Variants in CDC37L1 observed in about 807,000 individuals in gnomAD.
The protein encoded by CDC37L1 is cell division cycle 37 like 1, HSP90 cochaperone.
Under a neutral mutation model 45.9 loss-of-function variants are expected in CDC37L1, and 32 were observed. The observed-to-expected ratio is 0.70, with a 90% CI of 0.53 to 0.94. The LOEUF (loss-of-function observed/expected upper bound fraction) is 0.94. Among genes scored for constraint, CDC37L1 ranks in the 40% least tolerant of loss-of-function variants. The pLI is 0.00. For synonymous variants in CDC37L1, 150 were observed against 133.0 expected (o/e 1.13, Z -0.88); for missense variants, 434 against 405.7 (o/e 1.07, Z -0.60).
intron 6 of CDC37L1, among the ~76,000 whole-genome samples, chr9:4,702,580 G>T (rs1215083246): frequency 6.6e-6 from 1 of 152,092 alleles, no homozygotes; most frequent in African/African-American, 2.4e-5. Flanking sequence ...TCAGTGGTTT[G>T]ATCAAGATAA....
intron 3 of CDC37L1, among the ~76,000 whole-genome samples, chr9:4,694,842 C>T (rs1480113079): frequency 6.6e-6 from 1 of 152,064 alleles, no homozygotes; most frequent in Non-Finnish European, 1.5e-5. Flanking sequence ...TGTACTCCAG[C>T]CTGGGCAACA....
intron 1 of CDC37L1, among the ~76,000 whole-genome samples, chr9:4,683,907 C>G (rs1050226627): frequency 6.6e-6 from 1 of 152,200 alleles, no homozygotes; most frequent in African/African-American, 2.4e-5. Flanking sequence ...CAGTACTTTA[C>G]ATGTAGTAAT....
At chr9:4,680,545 C>G (rs1841181651) in intron 1 of CDC37L1, among the ~76,000 whole-genome samples, 2 of 152,168 alleles carry the variant, frequency 1.3e-5, no homozygotes, top group African/African-American at 2.4e-5. Context: ...TCAGACTTCT[C>G]TTAGGTTCCT....
intron 6 of CDC37L1, chr9:4,703,252 A>T: frequency 1.7e-6 from 1 of 582,822 alleles, no homozygotes; most frequent in Non-Finnish European, 2.6e-6. Flanking sequence ...TCTCACTGTA[A>T]TTTCACCATT....
At chr9:4,705,581 A>G (rs1172677697) in intron 6 of CDC37L1, among the ~76,000 whole-genome samples, 1 of 152,138 alleles carries the variant, frequency 6.6e-6, no homozygotes, top group Non-Finnish European at 1.5e-5. Flanking sequence ...TTTACCCAGT[A>G]AATTTTTTCT....
intron 6 of CDC37L1, among the ~76,000 whole-genome samples, chr9:4,704,025 T>C (rs1468039069): frequency 6.6e-6 from 1 of 152,138 alleles, no homozygotes; most frequent in Non-Finnish European, 1.5e-5. Context: ...TTGCTACATG[T>C]GCGGAAAGGA....
chr9:4,679,813 G>A lies in CDC37L1; in HGVS notation c.46G>A (p.Ala16Thr), dbSNP rs1412238163. ...PPPGPWSLPR[A>T]EGEAEEESDF... The stretch of plus-strand genomic sequence containing the variant: ...TCCGGGACCCTGGAGCCTCCCTCGG[G>A]CCGAGGGTGAGGCTGAGGAAGAGAG... The change falls in exon 1 of 7, where the codon GCC becomes ACC. Residue 16 changes from alanine (A) to threonine (T), a missense_variant. Physicochemically the swap from Ala to Thr is moderately conservative, Grantham distance 58. Transcript: ENST00000381854. 1.9e-6 allele frequency: 3 copies of A among 1,613,600 alleles called. No individual in the cohort carries two copies. Among genetic ancestry groups the A allele is most frequent in the East Asian group, 4.5e-5 (2 of 44,884 alleles).
At chr9:4,700,519 T>C (rs771783053) in intron 5 of CDC37L1, among the ~76,000 whole-genome samples, 12 of 152,224 alleles carry the variant, frequency 7.9e-5, no homozygotes, top group Non-Finnish European at 1.8e-4. Context: ...CATTAATGGA[T>C]GTGTTTAAAC....
At chr9:4,681,588 A>T (rs919290647) in intron 1 of CDC37L1, among the ~76,000 whole-genome samples, 7 of 151,760 alleles carry the variant, frequency 4.6e-5, no homozygotes, top group African/African-American at 1.7e-4. Flanking sequence ...GTGAGCCGAG[A>T]TCACACCATT....
At chr9:4,697,648 A>G (rs1353395065) in intron 4 of CDC37L1, 109 bp from the exon 5 acceptor site, 1 of 603,834 alleles carries the variant, frequency 1.7e-6, no homozygotes, top group Admixed American at 3.1e-5. Flanking sequence ...TTTGACTTAT[A>G]ACTTAAGAGA....
At position 4,682,952 on chromosome 9, in the gene CDC37L1, A is replaced by T. The variant is rs911844261; in HGVS notation, c.133-1925A>T. ...AAGATAACAAAAAGTAAAAATAAAT[A>T]TTTTATTTTAAAATATTATATTTTA... On this transcript the variant is annotated intron_variant, in intron 1 of 6. Coordinates refer to ENST00000381854, the MANE Select transcript of CDC37L1 (RefSeq NM_017913.4). Among the ~76,000 whole-genome samples the T allele has an allele frequency of 2.7e-5, 4 of 145,550 alleles. No homozygotes were observed. In the East Asian group the frequency reaches 7.8e-4, roughly 28 times the overall value.
chr9:4,690,619 G>A (rs969941704), intron 3 of CDC37L1, among the ~76,000 whole-genome samples: 7 of 152,146 alleles, frequency 4.6e-5, no homozygotes, highest in African/African-American at 1.7e-4. Context: ...ACATCCACAG[G>A]TGATTAATAA....
At position 4,679,600 on chromosome 9, in the gene CDC37L1, C is replaced by G; in HGVS notation, c.-168C>G. ...CCGTCCGCCGGTGGCGAGGCCCAGG[C>G]TGTCGCCGGGTGTGCAGCGGCGTCG... On this transcript the variant is annotated 5_prime_UTR_variant, in exon 1 of 7. Transcript: ENST00000381854. 1.7e-6 allele frequency: 1 copy of G among 578,316 alleles called. No individual in the cohort carries two copies. Among genetic ancestry groups the G allele is most frequent in the Non-Finnish European group, 3.0e-6 (1 of 336,398 alleles). The allele number at this position is 578,316 out of a possible 1,614,324, so 35.8% of individuals were successfully genotyped here.
chr9:4,691,580 G>T (rs1345385625), intron 3 of CDC37L1, among the ~76,000 whole-genome samples: 1 of 152,086 alleles, frequency 6.6e-6, no homozygotes, highest in African/African-American at 2.4e-5. Flanking sequence ...CGGGCCTGGT[G>T]TGTGTGGGGG....
intron 3 of CDC37L1, among the ~76,000 whole-genome samples, chr9:4,689,503 A>C (rs1016232467): frequency 1.3e-5 from 2 of 152,080 alleles, no homozygotes; most frequent in Admixed American, 1.3e-4. Flanking sequence ...ATATTACTTT[A>C]AATTTTTTCC....
chr9:4,705,967 T>C (rs1196004780), intron 6 of CDC37L1, 44 bp from the exon 7 acceptor site: 1 of 904,444 alleles, frequency 1.1e-6, no homozygotes, highest in Non-Finnish European at 1.9e-6. Context: ...CTGGTTATAA[T>C]GCGTTCTTTT....
chr9:4,691,206 T>G (rs955330261), intron 3 of CDC37L1, among the ~76,000 whole-genome samples: 1 of 152,240 alleles, frequency 6.6e-6, no homozygotes, highest in Non-Finnish European at 1.5e-5. Context: ...GGGGTACATG[T>G]GCAGGATGTG....
chr9:4,689,557 T>A (rs761444541), intron 3 of CDC37L1, among the ~76,000 whole-genome samples: 2 of 152,128 alleles, frequency 1.3e-5, no homozygotes, highest in Non-Finnish European at 2.9e-5. Flanking sequence ...ACTTTGCTCA[T>A]ACTTTTCATT....
rs13286611 is a variant in CDC37L1 at position 4,687,471 on chromosome 9, G to A, written c.415-1042G>A. Reference sequence around the variant, plus strand: ...AGGTGAAGGGATTGCTTGAACCCACGAGTTCAAGACCAGCCTGGGCAACAT... The same window carrying A: ...AGGTGAAGGGATTGCTTGAACCCACAAGTTCAAGACCAGCCTGGGCAACAT... On this transcript the variant is annotated intron_variant, in intron 2 of 6. Coordinates refer to ENST00000381854, the MANE Select transcript of CDC37L1 (RefSeq NM_017913.4). Among the ~76,000 whole-genome samples the A allele has an allele frequency of 2.0e-5, 3 of 151,950 alleles. No homozygotes were observed. In the South Asian group the frequency reaches 6.2e-4, roughly 32 times the overall value.
Sources: allele counts gnomAD v4.1 joint callset (sites outside exome capture counted in the v4.1 genomes callset), GRCh38; gene constraint gnomAD v4.1.1; transcripts MANE v1.5; gene names NCBI Gene and HGNC (gene_info 2026-07-23, HGNC 2026-07-21).